TASP1: variants seen among roughly 807,000 people sequenced by gnomAD.
TASP1 encodes the protein taspase 1.
Under a neutral mutation model 56.6 loss-of-function variants are expected in TASP1, and 16 were observed. That is an observed-to-expected ratio of 0.28 (90% CI 0.19 to 0.43). The LOEUF (loss-of-function observed/expected upper bound fraction) is 0.43. TASP1 is among the 20% of genes least tolerant of loss of function. TASP1 has a pLI of 1.00. For missense variants in TASP1, 393 were observed against 511.6 expected (o/e 0.77, Z 2.24); for synonymous variants, 179 against 184.2 (o/e 0.97, Z 0.23).
intron 8 of TASP1, among the ~76,000 whole-genome samples, chr20:13,554,889 T>C (rs1427491071): frequency 6.6e-6 from 1 of 152,200 alleles, no homozygotes; most frequent in Non-Finnish European, 1.5e-5. Flanking sequence ...AGGGTGGCAG[T>C]TGCTCATACA....
At chr20:13,124,946 G>A in the TASP1 span, among the ~76,000 whole-genome samples, 1 of 152,190 alleles carries the variant, frequency 6.6e-6, no homozygotes, top group Non-Finnish European at 1.5e-5. Context: ...AAGACATAGC[G>A]AAGACACCTG....
At chr20:13,252,286 G>A in the TASP1 span, among the ~76,000 whole-genome samples, 4,951 of 152,330 alleles carry the variant, frequency 0.033, 171 homozygotes, top group East Asian at 0.15. Context: ...GATGATGGCT[G>A]CTGTGTACAT....
intron 13 of TASP1, among the ~76,000 whole-genome samples, chr20:13,410,474 A>C (rs1326403473): frequency 2.0e-5 from 3 of 152,160 alleles, no homozygotes; most frequent in Non-Finnish European, 4.4e-5. Context: ...TTTTTTCTGC[A>C]TCCTCACCAG....
intron 11 of TASP1, among the ~76,000 whole-genome samples, chr20:13,446,584 T>C (rs970233061): frequency 2.0e-5 from 3 of 152,100 alleles, no homozygotes; most frequent in African/African-American, 7.2e-5. Flanking sequence ...CATCAAGAGT[T>C]CCTTGTAGGC....
At chr20:13,482,027 T>C (rs1427189327) in intron 11 of TASP1, among the ~76,000 whole-genome samples, 1 of 152,098 alleles carries the variant, frequency 6.6e-6, no homozygotes, top group Non-Finnish European at 1.5e-5. Context: ...CCCAGTGCTT[T>C]CTTGTAGTAG....
intron 11 of TASP1, among the ~76,000 whole-genome samples, chr20:13,465,211 A>T (rs2044212386): frequency 6.6e-6 from 1 of 151,572 alleles, no homozygotes; most frequent in Non-Finnish European, 1.5e-5. Flanking sequence ...GAAAGGAAAA[A>T]AAAAGGTTAA....
the TASP1 span, among the ~76,000 whole-genome samples, chr20:13,321,857 T>C: frequency 1.3e-5 from 2 of 152,252 alleles, no homozygotes; most frequent in African/African-American, 4.8e-5. Flanking sequence ...ATTCTTGGGC[T>C]AGACTGCTCA....
At chr20:13,449,752 G>T (rs2043547175) in intron 11 of TASP1, among the ~76,000 whole-genome samples, 1 of 152,112 alleles carries the variant, frequency 6.6e-6, no homozygotes, top group African/African-American at 2.4e-5. Context: ...ACAACTCTAG[G>T]TCTAGAAATA....
In TASP1 at chr20:13,569,590, A is replaced by G; in HGVS notation, c.489-4T>C. ...GGCTCCTTCTCCAACTAAAAAGCTA[A>G]CAACAGAAAAATTATTTTTAAAATT... is the stretch of plus-strand genomic sequence containing the variant. On this transcript the variant is annotated splice_polypyrimidine_tract_variant and splice_region_variant and intron_variant, in intron 6 of 13. Coordinates refer to ENST00000337743, the MANE Select transcript of TASP1 (RefSeq NM_017714.3). The G allele has an allele frequency of 5.0e-6, 8 of 1,610,510 alleles. No homozygotes were observed. Among genetic ancestry groups the G allele is most frequent in the Non-Finnish European group, 6.8e-6 (8 of 1,178,720 alleles).
At chr20:13,117,488 T>A in the TASP1 span, 1 of 1,557,400 alleles carries the variant, frequency 6.4e-7, no homozygotes. Context: ...GTTATGAGCA[T>A]TTCTCCTTCT....
Position 13,440,795 on chromosome 20 carries a change from G to A in TASP1, c.986-5641C>T, listed in dbSNP as rs117557511. Among the ~76,000 whole-genome samples the A allele has an allele frequency of 1.8e-4, 27 of 152,252 alleles. 2 individuals carry two copies. The East Asian group carries it at 5.2e-3, about 29-fold the overall frequency. ...AGATGAAGAACCTGAGTTTCAGAGAGGTTCAATGACTTGCTACAGCCATGC... is the reference window on the plus strand; with the variant it reads ...AGATGAAGAACCTGAGTTTCAGAGAAGTTCAATGACTTGCTACAGCCATGC... On this transcript the variant is annotated intron_variant, in intron 11 of 13. Coordinates refer to ENST00000337743, the MANE Select transcript of TASP1 (RefSeq NM_017714.3).
the TASP1 span, chr20:13,292,554 A>T: frequency 2.5e-6 from 2 of 801,164 alleles, no homozygotes; most frequent in East Asian, 5.3e-5. Context: ...ATCCACGTAA[A>T]TGTTTCATTT....
chr20:13,605,715 A>C (rs2180570), intron 4 of TASP1, among the ~76,000 whole-genome samples: 4,919 of 152,186 alleles, frequency 0.032, 225 homozygotes, highest in African/African-American at 0.097. Flanking sequence ...AATTTAAAAT[A>C]ATATACATAA....
chr20:13,250,132 C>T, the TASP1 span, among the ~76,000 whole-genome samples: 1 of 152,314 alleles, frequency 6.6e-6, no homozygotes, highest in South Asian at 2.1e-4. Context: ...TGCTGGTAGT[C>T]TGCTCCCAGG....
the TASP1 span, among the ~76,000 whole-genome samples, chr20:13,224,595 TA>T: frequency 6.6e-6 from 1 of 152,212 alleles, no homozygotes; most frequent in African/African-American, 2.4e-5. Flanking sequence ...TTATTGTTTT[TA>T]TCTCTGTGTA....
the TASP1 span, among the ~76,000 whole-genome samples, chr20:13,285,054 A>G: frequency 1.3e-5 from 2 of 152,210 alleles, no homozygotes; most frequent in African/African-American, 4.8e-5. Flanking sequence ...TGGGAGGCCA[A>G]GGCAGGAGGA....
chr20:13,298,406 G>A, the TASP1 span, among the ~76,000 whole-genome samples: 11 of 152,258 alleles, frequency 7.2e-5, no homozygotes, highest in African/African-American at 2.2e-4. Flanking sequence ...ATATGCCACC[G>A]TGCCTGGCCT....
At chr20:13,629,907 A>T in intron 2 of TASP1, 27 bp downstream of exon 2, 1 of 1,612,008 alleles carries the variant, frequency 6.2e-7, no homozygotes, top group Admixed American at 1.7e-5. Flanking sequence ...CATTATTGGC[A>T]TCTTCCAAGC....
chr20:13,121,822 A>G, the TASP1 span, among the ~76,000 whole-genome samples: 1 of 152,196 alleles, frequency 6.6e-6, no homozygotes, highest in Non-Finnish European at 1.5e-5. Context: ...CAGTCCAAAA[A>G]AAATAAAATT....
Sources: gnomAD v4.1 joint callset for allele counts (sites outside exome capture counted in the v4.1 genomes callset) on GRCh38, gnomAD v4.1.1 for gene constraint, MANE v1.5 for transcripts, NCBI Gene and HGNC (gene_info 2026-07-23, HGNC 2026-07-21) for gene names.